Variants in CD8B observed in about 807,000 individuals in gnomAD.
The protein encoded by CD8B is T-cell surface glycoprotein CD8 beta chain.
A neutral mutation model predicts 24.2 loss-of-function variants in CD8B; 6 were observed. The ratio of observed to expected loss-of-function variants is 0.25; its 90% CI spans 0.14 to 0.49. The LOEUF (loss-of-function observed/expected upper bound fraction) is 0.49, where lower values mean the gene tolerates loss of function less well. Among genes scored for constraint, CD8B ranks in the 20% least tolerant of loss-of-function variants. The probability of loss-of-function intolerance (pLI) is 0.98; values close to 1 mark genes in which losing one functional copy is unlikely to be tolerated. For missense variants in CD8B, 196 were observed against 271.3 expected (o/e 0.72, Z 1.95); for synonymous variants, 84 against 108.3 (o/e 0.78, Z 1.39).
chr2:86,849,790 G>A lies in CD8B; in HGVS notation c.494-3017C>T, dbSNP rs551749923. On this transcript the variant is annotated intron_variant, in intron 3 of 5. Coordinates refer to ENST00000390655, the MANE Select transcript of CD8B (RefSeq NM_004931.5). ...GTGATCTCGGCTCACCACAACCTCC[G>A]CCTCCTGGGTTCAAGCGATTCTCCT... Among the ~76,000 whole-genome samples, 26 of 142,674 alleles carry A rather than the reference G, an allele frequency of 1.8e-4. 1 individual carries two copies. The highest frequency in any genetic ancestry group is 6.3e-4 in the African/African-American group (24 of 38,140). The allele number at this position is 142,674 out of a possible 152,430, so 93.6% of individuals were successfully genotyped here.
intron 5 of CD8B, among the ~76,000 whole-genome samples, chr2:86,829,666 G>A (rs1039421314): frequency 6.6e-6 from 1 of 152,086 alleles, no homozygotes; most frequent in Non-Finnish European, 1.5e-5. Context: ...TAGCATAAAC[G>A]CTACCCTGTA....
Position 86,855,986 on chromosome 2 carries a change from C to T in CD8B, c.403+2071G>A, listed in dbSNP as rs573048660. Among the ~76,000 whole-genome samples, 4 of 152,356 alleles carry T rather than the reference C, an allele frequency of 2.6e-5. No homozygotes were observed. The South Asian group carries it at 8.3e-4, about 32-fold the overall frequency. ...CTCTCTGTTCTTAAAAGGAATAAAA[C>T]TTCGAGCCCATGATATACTTAAGGG... On this transcript the variant is annotated intron_variant, in intron 2 of 5. Coordinates refer to ENST00000390655, the MANE Select transcript of CD8B (RefSeq NM_004931.5).
At chr2:86,852,301 GT>G (rs1676015530) in intron 3 of CD8B, among the ~76,000 whole-genome samples, 1 of 152,216 alleles carries the variant, frequency 6.6e-6, no homozygotes, top group African/African-American at 2.4e-5. Flanking sequence ...GGTCCTTTGA[GT>G]GGATTTTTTG....
rs374556219 is a variant in CD8B, at chr2:86,846,748, A to C, written c.519T>G (p.Leu173=). Residue 173 remains leucine (L), a synonymous_variant, in exon 4 of 6, where the codon CTT becomes CTG. Transcript: ENST00000390655. The part of the protein sequence containing the change: ...QKGPLCSPIT[L]GLLVAGVLVL... ...CCAGGACGCCAGCCACCAGCAGGCC[A>C]AGGGTGATGGGGCTACAAAGTGGGC... The C allele has an allele frequency of 3.8e-6, 6 of 1,583,790 alleles. No homozygotes were observed. In the African/African-American group the frequency reaches 6.7e-5, roughly 18 times the overall value.
chr2:86,835,517 G>C (rs899329656), downstream of CD8B, among the ~76,000 whole-genome samples: 1 of 151,846 alleles, frequency 6.6e-6, no homozygotes, highest in Non-Finnish European at 1.5e-5. Flanking sequence ...CTGAGGCTGA[G>C]GTAAGGGTGG....
chr2:86,835,493 T>C (rs1423768805), downstream of CD8B, among the ~76,000 whole-genome samples: 3 of 151,552 alleles, frequency 2.0e-5, no homozygotes, highest in Non-Finnish European at 4.4e-5. Flanking sequence ...CCTCCCTATG[T>C]CCCCCAAACT....
At chr2:86,842,455 A>G (rs1675481457) in intron 5 of CD8B, 136 bp from the exon 6 acceptor site, 1 of 1,056,456 alleles carries the variant, frequency 9.5e-7, no homozygotes, top group African/African-American at 1.6e-5. Flanking sequence ...TTTTGTTAGT[A>G]TGTTTCTAGG....
At chr2:86,861,026 C>T (rs1270437156) in intron 1 of CD8B, among the ~76,000 whole-genome samples, 1 of 152,132 alleles carries the variant, frequency 6.6e-6, no homozygotes, top group African/African-American at 2.4e-5. Context: ...GTGCTCTGAA[C>T]GGCCTGGGCT....
intron 5 of CD8B, among the ~76,000 whole-genome samples, chr2:86,825,184 G>A (rs1200672240): frequency 2.6e-5 from 4 of 152,192 alleles, no homozygotes; most frequent in African/African-American, 9.6e-5. Flanking sequence ...CGCAGCTTGG[G>A]TGTCGGTGTG....
intron 5 of CD8B, among the ~76,000 whole-genome samples, chr2:86,827,119 C>G (rs1674721150): frequency 6.6e-6 from 1 of 152,094 alleles, no homozygotes; most frequent in Non-Finnish European, 1.5e-5. Context: ...CTGTGCCTGG[C>G]TGACTGTGGA....
intron 5 of CD8B, among the ~76,000 whole-genome samples, chr2:86,818,366 G>A (rs1317073834): frequency 6.6e-6 from 1 of 152,122 alleles, no homozygotes; most frequent in Non-Finnish European, 1.5e-5. Flanking sequence ...CTGCACGGAT[G>A]TTGTATTTTT....
chr2:86,841,296 C>T lies in CD8B; in HGVS notation c.*1011G>A, dbSNP rs1259651102. On this transcript the variant is annotated 3_prime_UTR_variant, in exon 6 of 6. Coordinates refer to ENST00000390655, the MANE Select transcript of CD8B (RefSeq NM_004931.5). ...CTCCTACCTTCTGTTTGGTGCCTGA[C>T]TTGAAGCCAGGGATCCCTGCGGTTC... Among the ~76,000 whole-genome samples, 1 of 146,656 alleles carries T rather than the reference C, an allele frequency of 6.8e-6. No individual in the cohort carries two copies. Among genetic ancestry groups the T allele is most frequent in the African/African-American group, 2.6e-5 (1 of 39,214 alleles).
At chr2:86,858,494 G>A (rs1373488268) in intron 1 of CD8B, 78 bp from the exon 2 acceptor site, 2 of 1,494,412 alleles carry the variant, frequency 1.3e-6, no homozygotes, top group Non-Finnish European at 1.8e-6. Context: ...ACTGAGTCAA[G>A]TGTCAAAGGA....
At position 86,829,915 on chromosome 2, in the gene CD8B, C is replaced by T. The variant is rs191197571; in HGVS notation, c.621-14197G>A. Among the ~76,000 whole-genome samples the T allele has an allele frequency of 5.9e-5, 9 of 152,284 alleles. No individual in the cohort carries two copies. The East Asian group carries it at 1.3e-3, about 23-fold the overall frequency. On this transcript the variant is annotated intron_variant, in intron 5 of 5. Coordinates refer to the CD8B transcript ENST00000331469. ...AGAGCTGGGTTCATAGAATATCTAA[C>T]GTTTGATAATCTGCTTTTTAAATTT... is the stretch of plus-strand genomic sequence containing the variant.
downstream of CD8B, chr2:86,815,449 G>A (rs967519107): frequency 4.8e-6 from 3 of 624,088 alleles, no homozygotes; most frequent in African/African-American, 3.7e-5. Flanking sequence ...CAAGGATGGG[G>A]GCCACAGCTC....
At chr2:86,821,287 A>T (rs7592084) in intron 5 of CD8B, among the ~76,000 whole-genome samples, 150,680 of 152,174 alleles carry the variant, frequency 0.99, 74,610 homozygotes, top group East Asian at 1. Flanking sequence ...GGGTGAATCG[A>T]AGCTTTCGGA....
chr2:86,851,652 A>T (rs1675981241), intron 3 of CD8B, among the ~76,000 whole-genome samples: 1 of 152,198 alleles, frequency 6.6e-6, no homozygotes, highest in Admixed American at 6.5e-5. Flanking sequence ...TTTAAGACAA[A>T]GCAAACTGAG....
chr2:86,844,725 C>T (rs1422911521), intron 5 of CD8B, 197 bp downstream of exon 5: 24 of 1,521,290 alleles, frequency 1.6e-5, no homozygotes, highest in Non-Finnish European at 2.0e-5. Context: ...TCACTGCAGC[C>T]TTGAACTCCT....
At chr2:86,825,931 G>A (rs748203426) in intron 5 of CD8B, among the ~76,000 whole-genome samples, 14 of 151,932 alleles carry the variant, frequency 9.2e-5, no homozygotes, top group East Asian at 3.9e-4. Flanking sequence ...GGTGCCATTC[G>A]GACATGAACA....
Sources: gnomAD v4.1 joint callset for allele counts (sites outside exome capture counted in the v4.1 genomes callset) on GRCh38, gnomAD v4.1.1 for gene constraint, MANE v1.5 for transcripts, NCBI Gene and HGNC (gene_info 2026-07-23, HGNC 2026-07-21) for gene names.